Variants in CYTH1 observed in about 807,000 individuals in gnomAD.
The protein encoded by CYTH1 is cytohesin 1.
A neutral mutation model predicts 61.8 loss-of-function variants in CYTH1; 18 were observed. The ratio of observed to expected loss-of-function variants is 0.29; its 90% confidence interval spans 0.20 to 0.43. CYTH1 has a LOEUF of 0.43. Ranked by LOEUF, CYTH1 falls within the 20% of genes least tolerant of loss-of-function variation. The pLI is 1.00. For synonymous variants in CYTH1, 174 were observed against 184.3 expected (o/e 0.94, Z 0.45); for missense variants, 336 against 510.5 (o/e 0.66, Z 3.29).
At chr17:78,770,092 G>T (rs1156634491) in intron 1 of CYTH1, among the ~76,000 whole-genome samples, 1 of 151,790 alleles carries the variant, frequency 6.6e-6, no homozygotes, top group Admixed American at 6.6e-5. Context: ...AGAGGTTGCA[G>T]TGAGCCGAGA....
chr17:78,781,528 C>A (rs938943020), intron 1 of CYTH1, among the ~76,000 whole-genome samples: 5 of 152,160 alleles, frequency 3.3e-5, no homozygotes, highest in Non-Finnish European at 7.4e-5. Context: ...GGCTCCACAC[C>A]CGCGTCTCGG....
rs756656633 is a variant in CYTH1 at position 78,674,052 on chromosome 17, T to C, written c.*2039A>G. 2.0e-5 allele frequency: 3 copies of C among 152,596 alleles called. No homozygotes were observed. Among genetic ancestry groups the C allele is most frequent in the Non-Finnish European group, 2.9e-5 (2 of 68,036 alleles). The allele number at this position is 152,596 out of a possible 1,614,324, so 9.5% of individuals were successfully genotyped here. On this transcript the variant is annotated 3_prime_UTR_variant, in exon 14 of 14. Coordinates refer to ENST00000446868, the MANE Select transcript of CYTH1 (RefSeq NM_004762.6). ...AGACACCGCGAACAACAAAGATGGCTTGGGCAGAGTTGGAGTTTATTTGCT... is the reference window on the plus strand; with the variant it reads ...AGACACCGCGAACAACAAAGATGGCCTGGGCAGAGTTGGAGTTTATTTGCT...
At chr17:78,755,996 T>C (rs1459675425) in intron 1 of CYTH1, among the ~76,000 whole-genome samples, 1 of 151,960 alleles carries the variant, frequency 6.6e-6, no homozygotes, top group Non-Finnish European at 1.5e-5. Context: ...TTGTGCTTTA[T>C]TGTGATAGTG....
At chr17:78,730,524 G>A (rs1250631765) in intron 1 of CYTH1, among the ~76,000 whole-genome samples, 1 of 149,742 alleles carries the variant, frequency 6.7e-6, no homozygotes, top group South Asian at 2.1e-4. Context: ...GGGCGACAGC[G>A]AGACTCCGTC....
intron 1 of CYTH1, among the ~76,000 whole-genome samples, chr17:78,750,197 G>A (rs538069928): frequency 4.6e-5 from 7 of 152,304 alleles, no homozygotes; most frequent in Non-Finnish European, 7.4e-5. Context: ...TTCAAGATGC[G>A]TTTTGGAAGT....
Position 78,676,043 on chromosome 17 carries a change from G to T in CYTH1, c.*48C>A. On this transcript the variant is annotated 3_prime_UTR_variant, in exon 14 of 14. Coordinates refer to ENST00000446868, the MANE Select transcript of CYTH1 (RefSeq NM_004762.6). ...GTGCATCCATGGAGGTGCGGGAGAAGAGCAGGAGCTCCAAGGCCCCCGCAG... is the reference window on the plus strand; with the variant it reads ...GTGCATCCATGGAGGTGCGGGAGAATAGCAGGAGCTCCAAGGCCCCCGCAG... 6.4e-7 allele frequency: 1 copy of T among 1,571,288 alleles called. No homozygotes were observed. Among genetic ancestry groups the T allele is most frequent in the East Asian group, 2.3e-5 (1 of 43,496 alleles).
At chr17:78,694,939 C>T (rs1351044236) in intron 10 of CYTH1, among the ~76,000 whole-genome samples, 1 of 152,084 alleles carries the variant, frequency 6.6e-6, no homozygotes, top group East Asian at 1.9e-4. Flanking sequence ...TCAATGTGCG[C>T]CTAGGACAGT....
chr17:78,732,891 A>T (rs760806511), intron 1 of CYTH1, among the ~76,000 whole-genome samples: 1 of 152,114 alleles, frequency 6.6e-6, no homozygotes, highest in Admixed American at 6.5e-5. Context: ...GATAGAGGCC[A>T]TCCTGGCCAA....
intron 1 of CYTH1, among the ~76,000 whole-genome samples, chr17:78,745,301 A>G (rs2093355577): frequency 6.6e-6 from 1 of 152,202 alleles, no homozygotes; most frequent in Admixed American, 6.5e-5. Context: ...ATCTGGAAAC[A>G]TGTCAAAAAG....
At chr17:78,735,341 G>C (rs1330876452) in intron 1 of CYTH1, among the ~76,000 whole-genome samples, 1 of 152,198 alleles carries the variant, frequency 6.6e-6, no homozygotes, top group African/African-American at 2.4e-5. Flanking sequence ...AAGTAAGCGT[G>C]AGGGACCATG....
At chr17:78,771,496 G>T (rs1432266226) in intron 1 of CYTH1, among the ~76,000 whole-genome samples, 1 of 152,126 alleles carries the variant, frequency 6.6e-6, no homozygotes, top group Non-Finnish European at 1.5e-5. Context: ...ACTTTGGGAG[G>T]CCGAGGCAGG....
At chr17:78,769,018 T>C (rs1407200911) in intron 1 of CYTH1, among the ~76,000 whole-genome samples, 1 of 151,940 alleles carries the variant, frequency 6.6e-6, no homozygotes, top group East Asian at 1.9e-4. Flanking sequence ...TGGTGGCACA[T>C]GCCTGTAATC....
intron 10 of CYTH1, among the ~76,000 whole-genome samples, chr17:78,693,049 A>G (rs1441547720): frequency 1.3e-5 from 2 of 152,182 alleles, no homozygotes; most frequent in Non-Finnish European, 1.5e-5. Context: ...TCATGATTAC[A>G]GTGAGCTTCT....
rs764823263 is a variant in CYTH1 at position 78,680,364 on chromosome 17, G to C, written c.964-20C>G. On this transcript the variant is annotated intron_variant, in intron 12 of 13. Transcript: ENST00000446868. The stretch of plus-strand genomic sequence containing the variant: ...GCAGTTCTGAGAATCAAAACAGAGA[G>C]GGAGAGAGTGGAGCAAAGGAAGCTG... The C allele has an allele frequency of 2.3e-5, 37 of 1,599,818 alleles. No homozygotes were observed. The highest frequency in any genetic ancestry group is 3.1e-5 in the Non-Finnish European group (36 of 1,171,640).
intron 1 of CYTH1, 58 bp downstream of exon 1, chr17:78,782,144 G>T: frequency 1.6e-6 from 2 of 1,270,824 alleles, no homozygotes; most frequent in Non-Finnish European, 1.0e-6. Flanking sequence ...GGACGGCCGG[G>T]CCCGGAGGGG....
chr17:78,684,139 G>A (rs893018769), intron 11 of CYTH1, among the ~76,000 whole-genome samples: 21 of 152,168 alleles, frequency 1.4e-4, no homozygotes, highest in South Asian at 1.0e-3. Flanking sequence ...AACCCACTGG[G>A]GATTCTGGTA....
intron 11 of CYTH1, among the ~76,000 whole-genome samples, chr17:78,688,291 G>C (rs1199685378): frequency 6.6e-6 from 1 of 152,194 alleles, no homozygotes; most frequent in Non-Finnish European, 1.5e-5. Flanking sequence ...GGTGTTGGTT[G>C]GCAACTAAAG....
In CYTH1 at chr17:78,700,803, G is replaced by A. The variant is rs1210466155; in HGVS notation, c.438-360C>T. 6.6e-6 allele frequency among the ~76,000 whole-genome samples: 1 copy of A among 152,184 alleles called. No individual in the cohort carries two copies. The highest frequency in any genetic ancestry group is 2.4e-5 in the African/African-American group (1 of 41,452). ...GCCTCCCAAAGTGCTGGGAGTACAG[G>A]TGTGAGCCACGGTGCCTGACCACTG... On this transcript the variant is annotated intron_variant, in intron 6 of 13. Coordinates refer to ENST00000446868, the MANE Select transcript of CYTH1 (RefSeq NM_004762.6). This position sits in a 1 kb window ranked among gnomAD's most constrained non-coding sequence, Gnocchi z 5.1.
In CYTH1 at chr17:78,709,702, T is replaced by C. The variant is rs1293635572; in HGVS notation, c.53A>G (p.Gln18Arg). Residue 18 changes from glutamine to arginine, a missense_variant, in exon 2 of 14, where the codon CAA (glutamine) becomes CGA (arginine). Physicochemically the swap from Gln to Arg is conservative, Grantham distance 43 (BLOSUM62 1). Coordinates refer to ENST00000446868, the MANE Select transcript of CYTH1 (RefSeq NM_004762.6). ...VPSDLTAEER[Q>R]ELENIRRRKQ... is the part of the protein sequence containing the mutation. The stretch of plus-strand genomic sequence containing the variant: ...TCTCCGTCGGATGTTCTCCAGTTCT[T>C]GACGCTCCTCTGCTGTCAGGTCACT... 6.2e-7 allele frequency: 1 copy of C among 1,614,218 alleles called. No homozygotes were observed. Among genetic ancestry groups the C allele is most frequent in the Admixed American group, 1.7e-5 (1 of 60,028 alleles).
Sources: allele counts gnomAD v4.1 joint callset (sites outside exome capture counted in the v4.1 genomes callset), GRCh38; gene constraint gnomAD v4.1.1; non-coding constraint Gnocchi (gnomAD v3.1); transcripts MANE v1.5; gene names NCBI Gene and HGNC (gene_info 2026-07-23, HGNC 2026-07-21).